ANKRD35: variants seen among roughly 807,000 people sequenced by gnomAD.
The protein encoded by ANKRD35 is ankyrin repeat domain 35.
In ANKRD35, 102 loss-of-function variants were observed where a neutral mutation model predicts 109.9. The observed-to-expected ratio is 0.93, with a 90% CI of 0.79 to 1.09. The LOEUF (loss-of-function observed/expected upper bound fraction) is 1.09, where lower values mean the gene tolerates loss of function less well. Ranked by LOEUF, ANKRD35 falls within the 50% of genes least tolerant of loss-of-function variation. ANKRD35 has a pLI of 0.00. For missense variants in ANKRD35, 1,240 were observed against 1,230.1 expected (o/e 1.01, Z -0.12); for synonymous variants, 515 against 512.4 (o/e 1.01, Z -0.07).
intron 6 of ANKRD35, 94 bp downstream of exon 6, chr1:145,876,475 A>C: frequency 6.9e-7 from 1 of 1,456,650 alleles, no homozygotes; most frequent in East Asian, 2.3e-5. Flanking sequence ...TGGTGCTAAC[A>C]CAGCCCTAGG....
rs111471105 is a variant in ANKRD35, at chr1:145,874,708, T to C, written c.745+114A>G. On this transcript the variant is annotated intron_variant, in intron 8 of 13. Transcript: ENST00000355594. ...CAGTAGCAGCAATAAATACGTAAAC[T>C]CTCAACCCAGGTGACAATTATTTGT... 218 of 1,288,778 alleles carry C rather than the reference T, an allele frequency of 1.7e-4. 1 individual carries two copies. The African/African-American group carries it at 3.1e-3, about 18-fold the overall frequency. The allele number at this position is 1,288,778 out of a possible 1,614,324, so 79.8% of individuals were successfully genotyped here.
intron 1 of ANKRD35, 29 bp downstream of exon 1, chr1:145,885,689 ACC>A: frequency 1.2e-6 from 2 of 1,612,518 alleles, no homozygotes; most frequent in East Asian, 4.5e-5. Context: ...TGGGATCCCA[ACC>A]CCATCCTCCC....
Position 145,878,272 on chromosome 1 carries a change from T to C in ANKRD35, c.259+119A>G, listed in dbSNP as rs1654156235. The C allele has an allele frequency of 7.0e-6, 8 of 1,150,516 alleles. No homozygotes were observed. The South Asian group carries it at 1.1e-4, about 16-fold the overall frequency. The allele number at this position is 1,150,516 out of a possible 1,614,324, so 71.3% of individuals were successfully genotyped here. A position where few individuals can be genotyped will look rare whatever the true frequency, so the allele number is the denominator to read the frequency against. ...TCCTGGAAGGATGCTGGCCAGAACT[T>C]ACTAAGGAGAGAAGCAAGGGGCCAC... On this transcript the variant is annotated intron_variant, in intron 3 of 13. Transcript: ENST00000355594.
chr1:145,868,216 G>A, intron 11 of ANKRD35, 95 bp downstream of exon 11: 2 of 1,499,214 alleles, frequency 1.3e-6, no homozygotes, highest in Non-Finnish European at 1.9e-6. Context: ...TTCCTAGAAT[G>A]TCTCCCTCAG....
In ANKRD35 at chr1:145,874,947, C is replaced by T. The variant is rs782325338; in HGVS notation, c.620G>A (p.Ser207Asn). Residue 207 changes from serine to asparagine, a missense_variant, in exon 8 of 14, where the codon AGC becomes AAC. By Grantham distance (46) the Ser-to-Asn change is conservative. Coordinates refer to ENST00000355594, the MANE Select transcript of ANKRD35 (RefSeq NM_144698.5). ...GSAEVAELLL[S>N]HGADAGAVDS... ...CACAGCCCCCGCGTCAGCTCCGTGGCTCAGGAGCAGTTCAGCCACCTCGGC... is the reference window on the plus strand; with the variant it reads ...CACAGCCCCCGCGTCAGCTCCGTGGTTCAGGAGCAGTTCAGCCACCTCGGC... 2 of 1,613,368 alleles carry T rather than the reference C, an allele frequency of 1.2e-6. No homozygotes were observed. Among genetic ancestry groups the T allele is most frequent in the East Asian group, 4.5e-5 (2 of 44,854 alleles).
chr1:145,879,281 C>T lies in ANKRD35; in HGVS notation c.147G>A (p.Lys49=), dbSNP rs782479053. The T allele has an allele frequency of 6.2e-7, 1 of 1,610,880 alleles. No homozygotes were observed. Among genetic ancestry groups the T allele is most frequent in the Admixed American group, 1.7e-5 (1 of 59,674 alleles). ...LASRKSARPT[K]LDSNGQSPFH... ...ACGGGGACTGGCCATTCGAGTCAAGCTTGGTGGGTCGGGCAGATTTCCTGG... is the reference window on the plus strand; with the variant it reads ...ACGGGGACTGGCCATTCGAGTCAAGTTTGGTGGGTCGGGCAGATTTCCTGG... Residue 49 remains lysine, a synonymous_variant, in exon 2 of 14, where the codon AAG becomes AAA. Coordinates refer to ENST00000355594, the MANE Select transcript of ANKRD35 (RefSeq NM_144698.5).
intron 1 of ANKRD35, among the ~76,000 whole-genome samples, chr1:145,883,683 C>T (rs907783680): frequency 6.6e-6 from 1 of 152,190 alleles, no homozygotes; most frequent in African/African-American, 2.4e-5. Flanking sequence ...GACTGGGAAG[C>T]CAGGCTTTTG....
intron 4 of ANKRD35, 37 bp from the exon 5 acceptor site, chr1:145,876,910 G>A: frequency 6.2e-7 from 1 of 1,610,742 alleles, no homozygotes; most frequent in South Asian, 1.1e-5. Flanking sequence ...CATGGAGCTT[G>A]GTGTTAACAT....
At chr1:145,871,167 T>G (rs1226338779) in intron 10 of ANKRD35, among the ~76,000 whole-genome samples, 1 of 121,958 alleles carries the variant, frequency 8.2e-6, no homozygotes, top group Non-Finnish European at 1.7e-5. Flanking sequence ...TTTTTTTTTT[T>G]TTTTTTTTTT....
chr1:145,879,427 A>G (rs6424379), intron 1 of ANKRD35, 39 bp from the exon 2 acceptor site: 625,525 of 1,445,038 alleles, frequency 0.43, 140,070 homozygotes, highest in East Asian at 0.74. Flanking sequence ...ATAGGGCATG[A>G]GGGTAGTGTG....
rs782678187 is a variant in ANKRD35, at chr1:145,873,317, G to A, written c.1452C>T (p.Gly484=). ...GCAGAAGCTGGTTCATGGCTGCTGG[G>A]CCCACTGGTTCAGCCACTGTGCCTC... ...EPGGTVAEPV[G]PAAMNQLLLQ... is the part of the protein sequence containing the mutation. Residue 484 remains glycine, a synonymous_variant, in exon 10 of 14, where the codon GGC becomes GGT. Coordinates refer to ENST00000355594, the MANE Select transcript of ANKRD35 (RefSeq NM_144698.5). The A allele has an allele frequency of 6.2e-7, 1 of 1,614,146 alleles. No individual in the cohort carries two copies. Among genetic ancestry groups the A allele is most frequent in the South Asian group, 1.1e-5 (1 of 91,086 alleles).
At chr1:145,867,922 G>A (rs1169878943) in intron 12 of ANKRD35, 69 bp downstream of exon 12, 2 of 1,473,870 alleles carry the variant, frequency 1.4e-6, no homozygotes, top group Middle Eastern at 1.7e-4. Context: ...GAAGAGAGAG[G>A]GACCCTAAAT....
chr1:145,885,433 G>A (rs587698476), intron 1 of ANKRD35, among the ~76,000 whole-genome samples: 1 of 152,042 alleles, frequency 6.6e-6, no homozygotes, highest in Non-Finnish European at 1.5e-5. Flanking sequence ...CATGGGAAGG[G>A]GACAGAGTTG....
At chr1:145,879,578 C>A (rs1654214285) in intron 1 of ANKRD35, among the ~76,000 whole-genome samples, 190 bp from the exon 2 acceptor site, 1 of 152,016 alleles carries the variant, frequency 6.6e-6, no homozygotes. Flanking sequence ...TAATATGCCA[C>A]CAAGAACTAT....
intron 4 of ANKRD35, 126 bp downstream of exon 4, chr1:145,877,842 A>C (rs1559176311): frequency 1.2e-6 from 1 of 842,036 alleles, no homozygotes; most frequent in Non-Finnish European, 1.9e-6. Flanking sequence ...AATGATTATC[A>C]GCCCTCCTAT....
At position 145,868,044 on chromosome 1, in the gene ANKRD35, T is replaced by C. The variant is rs781786045; in HGVS notation, c.2890A>G (p.Asn964Asp). ...TAGGTGGAGATGATCTCTTCATGGT[T>C]CTTCTGGGAATCCTGGGAATGAACA... ...LALQLQDSQK[N>D]HEEIISTYRN... The change falls in exon 12 of 14, where the codon AAC (asparagine) becomes GAC (aspartate). Residue 964 changes from asparagine to aspartate, a missense_variant. Coordinates refer to ENST00000355594, the MANE Select transcript of ANKRD35 (RefSeq NM_144698.5). The C allele has an allele frequency of 1.1e-5, 17 of 1,614,026 alleles. No homozygotes were observed. In the Middle Eastern group the frequency reaches 9.9e-4, roughly 94 times the overall value.
At chr1:145,867,965 C>T (rs782675220) in intron 12 of ANKRD35, 26 bp downstream of exon 12, 64 of 1,610,624 alleles carry the variant, frequency 4.0e-5, no homozygotes, top group Non-Finnish European at 5.0e-5. Flanking sequence ...ATGTCTATAC[C>T]TCCCTCAAAA....
intron 10 of ANKRD35, among the ~76,000 whole-genome samples, chr1:145,869,159 T>C (rs1331142532): frequency 6.8e-6 from 1 of 146,372 alleles, no homozygotes; most frequent in African/African-American, 2.6e-5. Flanking sequence ...AATACTTCTC[T>C]GAAGGAAGTT....
In ANKRD35 at chr1:145,872,473, C is replaced by A. The variant is rs1363765156; in HGVS notation, c.2296G>T (p.Glu766Ter). 1.3e-6 allele frequency: 2 copies of A among 1,599,618 alleles called. No homozygotes were observed. Among genetic ancestry groups the A allele is most frequent in the South Asian group, 1.1e-5 (1 of 89,286 alleles). Residue 766 changes from glutamate (E) to a stop codon, truncating the protein, a stop_gained, in exon 10 of 14, where the codon GAG (glutamate) becomes TAG (stop). Coordinates refer to ENST00000355594, the MANE Select transcript of ANKRD35 (RefSeq NM_144698.5). LOFTEE classifies it high-confidence loss of function. ...QLRGSLSPCR[E>*]PGTSLKAPAS... The stretch of plus-strand genomic sequence containing the variant: ...GGGGCCTTTAAGGAGGTGCCTGGCT[C>A]CCTACACGGGGACAAGGACCCCCGC...
Sources: gnomAD v4.1 joint callset for allele counts (sites outside exome capture counted in the v4.1 genomes callset) on GRCh38, gnomAD v4.1.1 for gene constraint, MANE v1.5 for transcripts, NCBI Gene and HGNC (gene_info 2026-07-23, HGNC 2026-07-21) for gene names.